Variants in TNFRSF12A observed in about 807,000 individuals in gnomAD.
TNFRSF12A encodes tumor necrosis factor receptor superfamily member 12A.
A neutral mutation model predicts 15.5 loss-of-function variants in TNFRSF12A; 13 were observed. The observed-to-expected ratio is 0.84, with a 90% CI of 0.54 to 1.33. The LOEUF (loss-of-function observed/expected upper bound fraction) is 1.33. Among genes scored for constraint, TNFRSF12A ranks in the 40% most tolerant of loss-of-function variants. TNFRSF12A has a pLI of 0.00. For synonymous variants in TNFRSF12A, 89 were observed against 78.4 expected, an observed-to-expected ratio of 1.14 and a Z score of -0.71; for missense variants, 174 against 173.6, an observed-to-expected ratio of 1.00 and a Z score of -0.01.
In TNFRSF12A at chr16:3,022,092, A is replaced by T. The variant is rs931703652; in HGVS notation, c.*266A>T. ...CTGACACTGACTAAGGAACTGCAGC[A>T]TTTGCACAGGGGAGGGGGGTGCCCT... On this transcript the variant is annotated 3_prime_UTR_variant, in exon 4 of 4. Coordinates refer to ENST00000326577, the MANE Select transcript of TNFRSF12A (RefSeq NM_016639.3). 8.2e-6 allele frequency: 4 copies of T among 484,866 alleles called. No individual in the cohort carries two copies. Among genetic ancestry groups the T allele is most frequent in the Non-Finnish European group, 1.1e-5 (3 of 276,162 alleles). The allele number at this position is 484,866 out of a possible 1,614,324, so 30.0% of individuals were successfully genotyped here.
rs1302998554 is a variant in TNFRSF12A at position 3,021,921 on chromosome 16, C to T, written c.*95C>T. Reference sequence around the variant, plus strand: ...CCTCCCAGACGCGGCGGGAGCCAAGCTCCTCCAACCACAAGGGGGGTGGGG... The same window carrying T: ...CCTCCCAGACGCGGCGGGAGCCAAGTTCCTCCAACCACAAGGGGGGTGGGG... On this transcript the variant is annotated 3_prime_UTR_variant, in exon 4 of 4. Transcript: ENST00000326577. 1 of 1,402,580 alleles carries T rather than the reference C, an allele frequency of 7.1e-7. No individual in the cohort carries two copies. The highest frequency in any genetic ancestry group is 1.9e-5 in the Admixed American group (1 of 51,322). 86.9% of individuals were successfully genotyped at this position (1,402,580 alleles called of 1,614,324 possible). A position where few individuals can be genotyped will look rare whatever the true frequency, so the allele number is the denominator to read the frequency against.
chr16:3,021,418 A>T (rs2072610264), intron 2 of TNFRSF12A, 99 bp downstream of exon 2: 1 of 1,421,054 alleles, frequency 7.0e-7, no homozygotes, highest in Non-Finnish European at 9.3e-7. Flanking sequence ...CTGGGAAATC[A>T]TTCGGGAGGA....
rs1200780130 is a variant in TNFRSF12A at position 3,021,875 on chromosome 16, C to T, written c.*49C>T. ...GCTCGCCCACTCATCATTCATTCAT[C>T]CATTCTAGAGCCAGTCTCTGCCTCC... On this transcript the variant is annotated 3_prime_UTR_variant, in exon 4 of 4. Coordinates refer to ENST00000326577, the MANE Select transcript of TNFRSF12A (RefSeq NM_016639.3). 21 of 1,594,934 alleles carry T rather than the reference C, an allele frequency of 1.3e-5. No individual in the cohort carries two copies. Among genetic ancestry groups the T allele is most frequent in the Non-Finnish European group, 1.6e-5 (19 of 1,170,958 alleles).
chr16:3,021,348 C>A, intron 2 of TNFRSF12A, 29 bp downstream of exon 2: 1 of 1,526,432 alleles, frequency 6.6e-7, no homozygotes, highest in South Asian at 1.2e-5. Context: ...CAGTGGCCAG[C>A]GGACCCCAGA....
intron 1 of TNFRSF12A, chr16:3,020,745 G>C (rs962647072): frequency 7.5e-6 from 3 of 399,456 alleles, no homozygotes; most frequent in Non-Finnish European, 1.3e-5. Flanking sequence ...GAAGTACTTC[G>C]AATGGAGAGA....
At chr16:3,021,739 T>C (rs1186182163) in intron 3 of TNFRSF12A, 32 bp from the exon 4 acceptor site, 1 of 1,611,294 alleles carries the variant, frequency 6.2e-7, no homozygotes, top group Non-Finnish European at 8.5e-7. Flanking sequence ...ACCTTTTCTC[T>C]GCTGCTGACG....
rs759062510 is a variant in TNFRSF12A, at chr16:3,021,267, C to T, written c.147C>T (p.Cys49=). Residue 49 remains cysteine (C), a synonymous_variant, in exon 2 of 4, where the codon TGC becomes TGT. Coordinates refer to ENST00000326577, the MANE Select transcript of TNFRSF12A (RefSeq NM_016639.3). ...CCTGGAGCGCGGACCTGGACAAGTG[C>T]ATGGACTGCGCGTCTTGCAGGGCGC... The part of the protein sequence containing the change: ...GSSWSADLDK[C]MDCASCRARP... The T allele has an allele frequency of 2.5e-6, 4 of 1,594,076 alleles. No individual in the cohort carries two copies. The highest frequency in any genetic ancestry group is 3.4e-6 in the Non-Finnish European group (4 of 1,175,124).
At chr16:3,021,144 C>A in intron 1 of TNFRSF12A, 71 bp from the exon 2 acceptor site, 1 of 803,328 alleles carries the variant, frequency 1.2e-6, no homozygotes, top group Non-Finnish European at 1.9e-6. Flanking sequence ...TTCGAGCCGG[C>A]CGACCCTGAC....
rs1429371306 is a variant in TNFRSF12A at position 3,020,406 on chromosome 16, G to C, written c.9G>C (p.Arg3=). 2 of 1,290,386 alleles carry C rather than the reference G, an allele frequency of 1.5e-6. No homozygotes were observed. Among genetic ancestry groups the C allele is most frequent in the African/African-American group, 3.0e-5 (2 of 66,086 alleles). 79.9% of individuals were successfully genotyped at this position (1,290,386 alleles called of 1,614,324 possible). Residue 3 remains arginine (R), a synonymous_variant, in exon 1 of 4, where the codon CGG becomes CGC. Coordinates refer to ENST00000326577, the MANE Select transcript of TNFRSF12A (RefSeq NM_016639.3). ...GGCGCAGGACGTGCACTATGGCTCGGGGCTCGCTGCGCCGGTTGCTGCGGC... is the reference window on the plus strand; with the variant it reads ...GGCGCAGGACGTGCACTATGGCTCGCGGCTCGCTGCGCCGGTTGCTGCGGC... MA[R]GSLRRLLRLL... is the part of the protein sequence containing the mutation.
intron 1 of TNFRSF12A, 88 bp from the exon 2 acceptor site, chr16:3,021,127 C>T: frequency 1.5e-6 from 1 of 677,796 alleles, no homozygotes; most frequent in East Asian, 3.2e-5. Context: ...GCCGGTGACT[C>T]ACGTTATTCG....
chr16:3,021,897 C>A lies in TNFRSF12A; in HGVS notation c.*71C>A, dbSNP rs776653314. ...CATCCATTCTAGAGCCAGTCTCTGC[C>A]TCCCAGACGCGGCGGGAGCCAAGCT... On this transcript the variant is annotated 3_prime_UTR_variant, in exon 4 of 4. Transcript: ENST00000326577. 11 of 1,548,708 alleles carry A rather than the reference C, an allele frequency of 7.1e-6. 1 individual carries two copies. In the South Asian group the frequency reaches 1.3e-4, roughly 18 times the overall value.
intron 3 of TNFRSF12A, 31 bp from the exon 4 acceptor site, chr16:3,021,740 G>C: frequency 6.2e-7 from 1 of 1,611,364 alleles, no homozygotes; most frequent in Middle Eastern, 1.7e-4. Context: ...CCTTTTCTCT[G>C]CTGCTGACGA....
Position 3,020,424 on chromosome 16 carries a change from G to T in TNFRSF12A, c.27G>T (p.Leu9Phe), listed in dbSNP as rs758217554. The change falls in exon 1 of 4, where the codon TTG becomes TTT. Residue 9 changes from leucine (L) to phenylalanine (F), a missense_variant. Coordinates refer to ENST00000326577, the MANE Select transcript of TNFRSF12A (RefSeq NM_016639.3). ...TGGCTCGGGGCTCGCTGCGCCGGTT[G>T]CTGCGGCTCCTCGTGCTGGGGCTCT... MARGSLRRLLRLLVLGLWL... is the reference protein window; with the variant it reads MARGSLRRFLRLLVLGLWL... 2.3e-6 allele frequency: 3 copies of T among 1,292,144 alleles called. No individual in the cohort carries two copies. Among genetic ancestry groups the T allele is most frequent in the Non-Finnish European group, 2.9e-6 (3 of 1,019,402 alleles). The allele number at this position is 1,292,144 out of a possible 1,614,324, so 80.0% of individuals were successfully genotyped here.
rs2072613568 is a variant in TNFRSF12A, at chr16:3,021,703, G to A, written c.334+14G>A. 6.2e-7 allele frequency: 1 copy of A among 1,612,960 alleles called. No individual in the cohort carries two copies. Among genetic ancestry groups the A allele is most frequent in the East Asian group, 2.2e-5 (1 of 44,854 alleles). ...AGAAGTTCACCAGTAAGTGTGCCCT[G>A]GCCTGCCCAGCCCTGTCAGCACTCG... On this transcript the variant is annotated intron_variant, in intron 3 of 3. Transcript: ENST00000326577.
Position 3,022,156 on chromosome 16 carries a change from G to A in TNFRSF12A, c.*330G>A. On this transcript the variant is annotated 3_prime_UTR_variant, in exon 4 of 4. Coordinates refer to ENST00000326577, the MANE Select transcript of TNFRSF12A (RefSeq NM_016639.3). ...CCTGGGGGCCAGGCTGACTTGGGGG[G>A]CAGACTTGACACTAGGCCCCACTCA... 2 of 431,970 alleles carry A rather than the reference G, an allele frequency of 4.6e-6. No homozygotes were observed. The highest frequency in any genetic ancestry group is 4.1e-6 in the Non-Finnish European group (1 of 245,820). 26.8% of individuals were successfully genotyped at this position (431,970 alleles called of 1,614,324 possible).
rs753431994 is a variant in TNFRSF12A at position 3,020,415 on chromosome 16, G to T, written c.18G>T (p.Leu6=). 1 of 1,290,242 alleles carries T rather than the reference G, an allele frequency of 7.8e-7. No homozygotes were observed. Among genetic ancestry groups the T allele is most frequent in the Non-Finnish European group, 9.8e-7 (1 of 1,018,800 alleles). The allele number at this position is 1,290,242 out of a possible 1,614,324, so 79.9% of individuals were successfully genotyped here. The part of the protein sequence containing the change: MARGS[L]RRLLRLLVLG... ...CGTGCACTATGGCTCGGGGCTCGCT[G>T]CGCCGGTTGCTGCGGCTCCTCGTGC... The change falls in exon 1 of 4, where the codon CTG becomes CTT. Residue 6 remains leucine (L), a synonymous_variant. Transcript: ENST00000326577.
Position 3,021,810 on chromosome 16 carries a change from T to C in TNFRSF12A, c.374T>C (p.Val125Ala), listed in dbSNP as rs762267701. The C allele has an allele frequency of 1.7e-5, 27 of 1,612,930 alleles. No individual in the cohort carries two copies. Among genetic ancestry groups the C allele is most frequent in the Middle Eastern group, 1.6e-4 (1 of 6,074 alleles). Residue 125 changes from valine to alanine, a missense_variant, in exon 4 of 4, where the codon GTG becomes GCG. Physicochemically the swap from Val to Ala is moderately conservative, Grantham distance 64. Coordinates refer to ENST00000326577, the MANE Select transcript of TNFRSF12A (RefSeq NM_016639.3). ...ACCGGCGGAGAGGGCTGCCCAGCTG[T>C]GGCGCTGATCCAGTGACAATGTGCC... Reference protein sequence around the residue: ...EETGGEGCPAVALIQ With the variant: ...EETGGEGCPAAALIQ
At position 3,021,770 on chromosome 16, in the gene TNFRSF12A, G is replaced by GCC. The variant is rs1179657978; in HGVS notation, c.338_339dup (p.Ile114ProfsTer2). 6.2e-7 allele frequency: 1 copy of GCC among 1,612,710 alleles called. No homozygotes were observed. Among genetic ancestry groups the GCC allele is most frequent in the Admixed American group, 1.7e-5 (1 of 59,932 alleles). ...TGACGACCCCACCTCTTATCTTGCAGCCCCCATAGAGGAGACCGGCGGAGA... is the reference window on the plus strand; with the variant it reads ...TGACGACCCCACCTCTTATCTTGCAGCCCCCCCATAGAGGAGACCGGCGGAGA... On this transcript the variant is annotated frameshift_variant and splice_region_variant. Coordinates refer to ENST00000326577, the MANE Select transcript of TNFRSF12A (RefSeq NM_016639.3). LOFTEE classifies it high-confidence loss of function.
chr16:3,020,946 A>G, intron 1 of TNFRSF12A: 2 of 461,418 alleles, frequency 4.3e-6, no homozygotes, highest in South Asian at 8.6e-5. Flanking sequence ...ATGCGGGGGG[A>G]GGGACTGGGG....
Sources: gnomAD v4.1 joint callset for allele counts on GRCh38, gnomAD v4.1.1 for gene constraint, MANE v1.5 for transcripts, NCBI Gene and HGNC (gene_info 2026-07-23, HGNC 2026-07-21) for gene names.